The following IQCM variants were observed in gnomAD, a reference collection of about 807,000 sequenced individuals.
IQCM encodes IQ domain-containing protein M.
Under a neutral mutation model 57.6 loss-of-function variants are expected in IQCM, and 45 were observed. That is an observed-to-expected ratio of 0.78 (90% CI 0.62 to 1.00). IQCM has a LOEUF of 1.00. Ranked by LOEUF, IQCM falls within the 50% of genes least tolerant of loss-of-function variation. The pLI, the probability that IQCM is intolerant of heterozygous loss-of-function variation, is 0.00. For missense variants in IQCM, 468 were observed against 511.6 expected, an observed-to-expected ratio of 0.91 and a Z score of 0.82; for synonymous variants, 148 against 158.9, an observed-to-expected ratio of 0.93 and a Z score of 0.51.
chr4:149,519,244 T>G (rs986835525), intron 12 of IQCM, among the ~76,000 whole-genome samples: 1 of 151,904 alleles, frequency 6.6e-6, no homozygotes, highest in Non-Finnish European at 1.5e-5. Context: ...CTGTACCATT[T>G]TGAATCATTG....
At chr4:149,579,059 T>A (rs919861391) in intron 9 of IQCM, among the ~76,000 whole-genome samples, 17 of 151,858 alleles carry the variant, frequency 1.1e-4, no homozygotes, top group African/African-American at 3.9e-4. Context: ...AGGATTACTA[T>A]GTTTTGAAGA....
At chr4:149,695,885 G>C (rs1763299445) in intron 5 of IQCM, among the ~76,000 whole-genome samples, 1 of 152,172 alleles carries the variant, frequency 6.6e-6, no homozygotes. Flanking sequence ...CATTTACTGA[G>C]GGAAGCGGGC....
At chr4:149,683,235 C>T (rs1201782882) in intron 6 of IQCM, among the ~76,000 whole-genome samples, 2 of 151,126 alleles carry the variant, frequency 1.3e-5, no homozygotes, top group Non-Finnish European at 3.0e-5. Flanking sequence ...TGTTTATAAA[C>T]AAGGATGAAA....
At chr4:149,597,791 T>A (rs1458465029) in intron 8 of IQCM, among the ~76,000 whole-genome samples, 1 of 152,148 alleles carries the variant, frequency 6.6e-6, no homozygotes, top group Admixed American at 6.6e-5. Context: ...GGGGTTTTTG[T>A]TCTCAGAATT....
At chr4:149,517,865 G>C (rs1442046189) in intron 12 of IQCM, among the ~76,000 whole-genome samples, 3 of 152,118 alleles carry the variant, frequency 2.0e-5, no homozygotes, top group Admixed American at 1.3e-4. Context: ...TTTGGGACTT[G>C]GACTGGCTTC....
At position 149,631,267 on chromosome 4, in the gene IQCM, T is replaced by A. The variant is rs550073882; in HGVS notation, c.566-10023A>T. On this transcript the variant is annotated intron_variant, in intron 7 of 13. Coordinates refer to ENST00000636793, the MANE Select transcript of IQCM (RefSeq NM_001363507.2). ...GCTCCCGGTTTCCTGTGGATTTCAA[T>A]CCCTGTACCTCTTCCCTTTGCTGAT... Among the ~76,000 whole-genome samples the A allele has an allele frequency of 2.0e-3, 312 of 152,322 alleles. 1 individual carries two copies. The highest frequency in any genetic ancestry group is 6.4e-3 in the African/African-American group (265 of 41,568).
chr4:149,356,403 T>C (rs1327623326), intron 13 of IQCM, among the ~76,000 whole-genome samples: 1 of 152,068 alleles, frequency 6.6e-6, no homozygotes, highest in African/African-American at 2.4e-5. Context: ...CTTTAATCCA[T>C]CTTGAATTAA....
intron 5 of IQCM, among the ~76,000 whole-genome samples, chr4:149,710,446 C>T (rs568169995): frequency 1.3e-5 from 2 of 152,198 alleles, no homozygotes; most frequent in South Asian, 2.1e-4. Flanking sequence ...GACAATTCAT[C>T]GTTGTTGGCC....
chr4:149,470,624 T>C (rs1275355310), intron 12 of IQCM, among the ~76,000 whole-genome samples: 1 of 152,200 alleles, frequency 6.6e-6, no homozygotes, highest in Non-Finnish European at 1.5e-5. Context: ...CAAGCAGACC[T>C]AATAGACATC....
At chr4:149,711,035 A>G (rs927448051) in intron 5 of IQCM, 1 of 152,204 alleles carries the variant, frequency 6.6e-6, no homozygotes, top group African/African-American at 2.4e-5. Flanking sequence ...CAATTGCTAC[A>G]GGATATAACT....
chr4:149,498,136 G>A (rs1742863066), intron 12 of IQCM, among the ~76,000 whole-genome samples: 1 of 152,144 alleles, frequency 6.6e-6, no homozygotes, highest in South Asian at 2.1e-4. Context: ...AGAATGTCTG[G>A]AGCAGCGACT....
rs1478393666 is a variant in IQCM, at chr4:149,368,830, A to G, written c.1391-16764T>C. Among the ~76,000 whole-genome samples the G allele has an allele frequency of 6.3e-4, 43 of 68,270 alleles. 2 individuals carry two copies. Among genetic ancestry groups the G allele is most frequent in the African/African-American group, 1.6e-3 (30 of 18,446 alleles). 44.8% of individuals were successfully genotyped at this position (68,270 alleles called of 152,430 possible). A position where few individuals can be genotyped will look rare whatever the true frequency, so the allele number is the denominator to read the frequency against. On this transcript the variant is annotated intron_variant, in intron 13 of 13. Transcript: ENST00000636793. ...CATGTATATATATACATATATATAC[A>G]TGTATATATATACATATATATACAT... is the stretch of plus-strand genomic sequence containing the variant.
chr4:149,447,090 A>G (rs191049902), intron 12 of IQCM, among the ~76,000 whole-genome samples: 1 of 151,618 alleles, frequency 6.6e-6, no homozygotes, highest in East Asian at 1.9e-4. Context: ...AAAACAAAAG[A>G]ATTATTTCTC....
rs1028994438 is a variant in IQCM at position 149,455,180 on chromosome 4, G to T, written c.1229-21623C>A. ...TTGTAACCTTTATTCAAGAGAGACT[G>T]CTGTGTTGCATTTGCCGCACTGGCA... On this transcript the variant is annotated intron_variant, in intron 12 of 13. Transcript: ENST00000636793. 2.0e-5 allele frequency among the ~76,000 whole-genome samples: 3 copies of T among 152,080 alleles called. No homozygotes were observed. In the South Asian group the frequency reaches 6.2e-4, roughly 31 times the overall value.
At chr4:149,356,461 A>G (rs1324519388) in intron 13 of IQCM, among the ~76,000 whole-genome samples, 2 of 151,774 alleles carry the variant, frequency 1.3e-5, no homozygotes, top group Non-Finnish European at 2.9e-5. Context: ...CTTTCTACAT[A>G]TGGCTAGCCA....
intron 13 of IQCM, among the ~76,000 whole-genome samples, chr4:149,419,312 T>C (rs112948454): frequency 5.4e-4 from 82 of 151,982 alleles, no homozygotes; most frequent in African/African-American, 1.9e-3. Flanking sequence ...CAATGGAACA[T>C]AATAGAGAAC....
chr4:149,521,136 AC>A (rs1406573408), intron 12 of IQCM, among the ~76,000 whole-genome samples: 2 of 152,074 alleles, frequency 1.3e-5, no homozygotes, highest in African/African-American at 4.8e-5. Flanking sequence ...ATGGTCACAG[AC>A]CCTCTTTAAA....
chr4:149,364,666 TA>T (rs1729713981), intron 13 of IQCM, among the ~76,000 whole-genome samples: 1 of 151,736 alleles, frequency 6.6e-6, no homozygotes, highest in Non-Finnish European at 1.5e-5. Context: ...TAAGAAAGAA[TA>T]GAGAATTAAA....
intron 13 of IQCM, among the ~76,000 whole-genome samples, chr4:149,366,959 G>A (rs7653957): frequency 0.28 from 42,874 of 151,746 alleles, 6,190 homozygotes; most frequent in Middle Eastern, 0.33. Context: ...AAACAATGAG[G>A]AAAACTAATA....
Sources: allele counts gnomAD v4.1 joint callset (sites outside exome capture counted in the v4.1 genomes callset), GRCh38; gene constraint gnomAD v4.1.1; transcripts MANE v1.5; gene names NCBI Gene and HGNC (gene_info 2026-07-23, HGNC 2026-07-21).